NRG1: variants seen among roughly 807,000 people sequenced by gnomAD.
The protein encoded by NRG1 is pro-neuregulin-1, membrane-bound isoform.
NRG1 carries 18 observed loss-of-function variants against 63.8 expected under a neutral mutation model. That is an observed-to-expected ratio of 0.28 (90% CI 0.19 to 0.42). The LOEUF is 0.42. NRG1 is among the 10% of genes least tolerant of loss of function. The pLI is 1.00. For synonymous variants in NRG1, 302 were observed against 301.3 expected, an observed-to-expected ratio of 1.00 and a Z score of -0.02; for missense variants, 762 against 814.7, an observed-to-expected ratio of 0.94 and a Z score of 0.79.
chr8:32,336,283 T>C (rs1385858636), intron 1 of NRG1, among the ~76,000 whole-genome samples: 1 of 152,148 alleles, frequency 6.6e-6, no homozygotes, highest in Non-Finnish European at 1.5e-5. Flanking sequence ...AGATGATAAA[T>C]GACAAGGAAG....
intron 1 of NRG1, among the ~76,000 whole-genome samples, chr8:32,162,885 A>G (rs1040051072): frequency 1.3e-5 from 2 of 152,170 alleles, no homozygotes; most frequent in Non-Finnish European, 1.5e-5. Flanking sequence ...CTTCATTCCC[A>G]TCGAGGGGTG....
chr8:31,714,590 G>A (rs1179831813), intron 1 of NRG1, among the ~76,000 whole-genome samples: 2 of 152,080 alleles, frequency 1.3e-5, no homozygotes, highest in Admixed American at 1.3e-4. Context: ...GATCCTTGTT[G>A]TGCTGTTATG....
At chr8:32,249,508 T>C (rs1379472404) in intron 1 of NRG1, among the ~76,000 whole-genome samples, 1 of 152,092 alleles carries the variant, frequency 6.6e-6, no homozygotes, top group African/African-American at 2.4e-5. Flanking sequence ...GCAAACCAAA[T>C]TCTCTGTTGT....
At chr8:32,136,658 G>A (rs531312529) in intron 1 of NRG1, 1 of 152,154 alleles carries the variant, frequency 6.6e-6, no homozygotes, top group African/African-American at 2.4e-5. Flanking sequence ...ATGATCATAT[G>A]TCTTCTTTCT....
At chr8:32,505,193 T>A (rs1272250103) in intron 1 of NRG1, among the ~76,000 whole-genome samples, 1 of 152,150 alleles carries the variant, frequency 6.6e-6, no homozygotes, top group East Asian at 1.9e-4. Flanking sequence ...AGCAGGCATT[T>A]TAAAAGTGGG....
intron 1 of NRG1, among the ~76,000 whole-genome samples, chr8:31,665,758 T>C (rs1334526818): frequency 2.0e-5 from 3 of 152,186 alleles, no homozygotes; most frequent in Non-Finnish European, 4.4e-5. Flanking sequence ...TTGCATTGCG[T>C]TTATCCTGGA....
intron 7 of NRG1, among the ~76,000 whole-genome samples, chr8:32,752,762 C>A (rs1429046306): frequency 6.6e-6 from 1 of 152,130 alleles, no homozygotes; most frequent in Non-Finnish European, 1.5e-5. Flanking sequence ...CACCTCCAAC[C>A]CTTTTGATTT....
At chr8:32,062,395 T>C (rs796255561) in intron 1 of NRG1, among the ~76,000 whole-genome samples, 5 of 151,998 alleles carry the variant, frequency 3.3e-5, no homozygotes, top group African/African-American at 1.2e-4. Context: ...GACGTCAGAG[T>C]TGGGGGGAAC....
At chr8:32,049,261 C>A (rs1016524522) in intron 1 of NRG1, among the ~76,000 whole-genome samples, 1 of 152,130 alleles carries the variant, frequency 6.6e-6, no homozygotes, top group Admixed American at 6.6e-5. Context: ...TGTATTTAAT[C>A]TTTCCCTAAG....
intron 1 of NRG1, among the ~76,000 whole-genome samples, chr8:32,308,687 A>G: frequency 6.6e-6 from 1 of 152,204 alleles, no homozygotes; most frequent in East Asian, 1.9e-4. Context: ...AGCTACCACC[A>G]CAAAAATGTG....
intron 1 of NRG1, among the ~76,000 whole-genome samples, chr8:31,670,982 A>G (rs931488300): frequency 1.3e-5 from 2 of 152,122 alleles, no homozygotes; most frequent in Non-Finnish European, 2.9e-5. Flanking sequence ...AATAGGTCCC[A>G]GTGTCTATTG....
chr8:31,768,395 A>T (rs969046687), intron 1 of NRG1, among the ~76,000 whole-genome samples: 2 of 152,224 alleles, frequency 1.3e-5, no homozygotes, highest in African/African-American at 2.4e-5. Context: ...ATAGAAAAAT[A>T]TCCACCTTAT....
chr8:31,739,283 T>G (rs1019739622), intron 1 of NRG1, among the ~76,000 whole-genome samples: 1 of 152,078 alleles, frequency 6.6e-6, no homozygotes, highest in African/African-American at 2.4e-5. Flanking sequence ...GCTTGGTACA[T>G]TCATGGAATG....
chr8:31,941,737 T>C (rs1801780409), intron 1 of NRG1, among the ~76,000 whole-genome samples: 1 of 152,208 alleles, frequency 6.6e-6, no homozygotes, highest in South Asian at 2.1e-4. Flanking sequence ...AGCTCTGCTA[T>C]ACACTAACAG....
At chr8:32,610,080 T>C (rs536426602) in intron 3 of NRG1, among the ~76,000 whole-genome samples, 55 of 152,342 alleles carry the variant, frequency 3.6e-4, no homozygotes, top group African/African-American at 1.3e-3. Flanking sequence ...TTTTAATTTA[T>C]ATTTTCTATG....
chr8:32,727,432 G>A (rs543741432), intron 5 of NRG1, among the ~76,000 whole-genome samples: 15 of 152,140 alleles, frequency 9.9e-5, no homozygotes, highest in African/African-American at 3.6e-4. Context: ...AATCTATAAT[G>A]TTTTCATTTG....
At chr8:32,432,653 G>C (rs79507828) in intron 1 of NRG1, among the ~76,000 whole-genome samples, 3,066 of 152,122 alleles carry the variant, frequency 0.02, 49 homozygotes, top group Non-Finnish European at 0.032. Context: ...GGGACTACAG[G>C]TGTGCACTTG....
chr8:32,070,826 T>G (rs1825653158), intron 1 of NRG1, among the ~76,000 whole-genome samples: 1 of 152,186 alleles, frequency 6.6e-6, no homozygotes, highest in Non-Finnish European at 1.5e-5. Context: ...TTTTATTGCA[T>G]TTACTATCCA....
chr8:31,955,036 GAGTA>G (rs1378005737), intron 1 of NRG1, among the ~76,000 whole-genome samples: 2 of 152,112 alleles, frequency 1.3e-5, no homozygotes, highest in African/African-American at 2.4e-5. Context: ...AAGAGAAAGA[GAGTA>G]AGTGAGATGT....
Sources: allele counts gnomAD v4.1 joint callset (sites outside exome capture counted in the v4.1 genomes callset), GRCh38; gene constraint gnomAD v4.1.1; transcripts MANE v1.5; gene names NCBI Gene and HGNC (gene_info 2026-07-23, HGNC 2026-07-21).